PPME1: variants seen among roughly 807,000 people sequenced by gnomAD.
The protein encoded by PPME1 is protein phosphatase methylesterase 1.
A neutral mutation model predicts 56.9 loss-of-function variants in PPME1; 17 were observed. The ratio of observed to expected loss-of-function variants is 0.30; its 90% CI spans 0.20 to 0.45. The LOEUF (loss-of-function observed/expected upper bound fraction) is 0.45. Ranked by LOEUF, PPME1 falls within the 20% of genes least tolerant of loss-of-function variation. The pLI is 1.00. For synonymous variants in PPME1, 122 were observed against 156.2 expected (o/e 0.78, Z 1.63); for missense variants, 357 against 483.2 (o/e 0.74, Z 2.45).
At chr11:74,222,529 C>T (rs940692720) in intron 4 of PPME1, 160 bp downstream of exon 4, 3 of 636,368 alleles carry the variant, frequency 4.7e-6, no homozygotes, top group African/African-American at 3.7e-5. Flanking sequence ...CATTCTGTCG[C>T]CCAGGCTGGG....
At chr11:74,183,114 T>G (rs748998711) in intron 1 of PPME1, among the ~76,000 whole-genome samples, 3 of 151,202 alleles carry the variant, frequency 2.0e-5, no homozygotes, top group Non-Finnish European at 2.9e-5. Context: ...CTGGGCAACA[T>G]AGTGAGACCA....
At position 74,241,011 on chromosome 11, in the gene PPME1, G is replaced by A. The variant is rs540400773; in HGVS notation, c.834+1755G>A. Among the ~76,000 whole-genome samples the A allele has an allele frequency of 9.2e-5, 14 of 152,244 alleles. 1 individual carries two copies. In the South Asian group the frequency reaches 2.7e-3, roughly 29 times the overall value. On this transcript the variant is annotated intron_variant, in intron 9 of 13. Transcript: ENST00000328257. The stretch of plus-strand genomic sequence containing the variant: ...AAAGCTAAAACACACCCAGATCCTC[G>A]ATTTTTAATTCTAACTCATTTTTTC...
At chr11:74,171,551 G>A (rs748165325) in intron 1 of PPME1, 29 bp downstream of exon 1, 21 of 1,585,158 alleles carry the variant, frequency 1.3e-5, no homozygotes, top group African/African-American at 2.7e-5. Context: ...TTCTCCCTAT[G>A]GGCCAGGCCC....
At chr11:74,223,963 C>G (rs1858868730) in intron 4 of PPME1, among the ~76,000 whole-genome samples, 1 of 151,802 alleles carries the variant, frequency 6.6e-6, no homozygotes, top group African/African-American at 2.4e-5. Context: ...TCCCATTTGT[C>G]AATTTTGTCT....
chr11:74,202,341 TG>T, intron 1 of PPME1, among the ~76,000 whole-genome samples: 1 of 152,226 alleles, frequency 6.6e-6, no homozygotes, highest in East Asian at 1.9e-4. Flanking sequence ...GTTCTCCAGG[TG>T]ATTTCATTGT....
At chr11:74,222,994 A>G (rs1858838422) in intron 4 of PPME1, among the ~76,000 whole-genome samples, 1 of 150,494 alleles carries the variant, frequency 6.6e-6, no homozygotes, top group Non-Finnish European at 1.5e-5. Context: ...CACATTGTGC[A>G]GGTTAGTTAC....
intron 13 of PPME1, 64 bp downstream of exon 13, chr11:74,251,779 G>C: frequency 1.3e-6 from 2 of 1,584,932 alleles, no homozygotes. Flanking sequence ...GCAGACACTT[G>C]TAGGACTGTA....
At chr11:74,210,893 T>A (rs1415084988) in intron 3 of PPME1, among the ~76,000 whole-genome samples, 1 of 152,150 alleles carries the variant, frequency 6.6e-6, no homozygotes, top group Non-Finnish European at 1.5e-5. Flanking sequence ...GAGTTTCTAG[T>A]CAAACAATAC....
In PPME1 at chr11:74,186,753, A is replaced by G. The variant is rs115361383; in HGVS notation, c.101+15231A>G. Reference sequence around the variant, plus strand: ...TATTTAGAAGAGAAAACTGAAAACTACTTGTAGAAAGAGAATGAAAGTGCA... The same window carrying G: ...TATTTAGAAGAGAAAACTGAAAACTGCTTGTAGAAAGAGAATGAAAGTGCA... On this transcript the variant is annotated intron_variant, in intron 1 of 13. Coordinates refer to ENST00000328257, the MANE Select transcript of PPME1 (RefSeq NM_016147.3). 8.6e-4 allele frequency among the ~76,000 whole-genome samples: 131 copies of G among 152,344 alleles called. 2 individuals are homozygous for G. The highest frequency in any genetic ancestry group is 2.9e-3 in the African/African-American group (122 of 41,576).
intron 8 of PPME1, chr11:74,238,484 T>C (rs943736175): frequency 2.0e-5 from 3 of 152,328 alleles, no homozygotes; most frequent in Admixed American, 6.5e-5. Context: ...TTGGGATTTT[T>C]TTACCTTCAG....
intron 12 of PPME1, 145 bp downstream of exon 12, chr11:74,251,163 A>G (rs1426306369): frequency 2.0e-5 from 29 of 1,472,868 alleles, no homozygotes; most frequent in South Asian, 5.6e-5. Context: ...CAGCTCTCCA[A>G]CTTCTCCCTG....
intron 7 of PPME1, 22 bp downstream of exon 7, chr11:74,231,024 C>G: frequency 3.3e-6 from 5 of 1,524,272 alleles, no homozygotes; most frequent in Non-Finnish European, 4.5e-6. Flanking sequence ...ATCTTTGTCG[C>G]CTTTATTTAA....
At chr11:74,252,630 T>C (rs1859732186) in intron 13 of PPME1, 2 of 432,854 alleles carry the variant, frequency 4.6e-6, no homozygotes, top group South Asian at 1.6e-5. Context: ...GTCCTGTGCA[T>C]TGTAGGATGC....
chr11:74,228,020 TC>T (rs1402460012), intron 5 of PPME1, among the ~76,000 whole-genome samples: 2 of 152,146 alleles, frequency 1.3e-5, no homozygotes, highest in Non-Finnish European at 2.9e-5. Flanking sequence ...GTCCATAGCA[TC>T]CTTTTATTTT....
chr11:74,200,466 C>T (rs1858131195), intron 1 of PPME1, among the ~76,000 whole-genome samples: 1 of 152,038 alleles, frequency 6.6e-6, no homozygotes, highest in South Asian at 2.1e-4. Flanking sequence ...ACTGCAACCT[C>T]CGCCTTCTGG....
chr11:74,223,528 G>A (rs55687289), intron 4 of PPME1, among the ~76,000 whole-genome samples: 79 of 131,052 alleles, frequency 6.0e-4, no homozygotes, highest in African/African-American at 2.2e-3. Context: ...ACTGACTTCC[G>A]CAATGGTTGA....
Position 74,230,752 on chromosome 11 carries a change from A to C in PPME1, c.554-160A>C. ...TGTGAGGGCATGACATAAAGAAGTG[A>C]ATACCCCAGAGGCAAAAATTATTGA... On this transcript the variant is annotated intron_variant, in intron 6 of 13. Transcript: ENST00000328257. This position sits in a 1 kb window ranked among gnomAD's most constrained non-coding sequence, Gnocchi z 4.9. The C allele has an allele frequency of 1.5e-6, 1 of 647,322 alleles. No individual in the cohort carries two copies. The highest frequency in any genetic ancestry group is 2.7e-6 in the Non-Finnish European group (1 of 374,988). The allele number at this position is 647,322 out of a possible 1,614,324, so 40.1% of individuals were successfully genotyped here. A position where few individuals can be genotyped will look rare whatever the true frequency, so the allele number is the denominator to read the frequency against.
rs369439716 is a variant in PPME1, at chr11:74,204,372, G to A, written c.215G>A (p.Ser72Asn). The change falls in exon 3 of 14, where the codon AGT becomes AAT. Residue 72 changes from serine (S) to asparagine (N), a missense_variant. Around this residue, in one of 2 missense-constraint regions of PPME1, gnomAD observed 175 missense variants for 189.4 expected, o/e 0.92. Coordinates refer to ENST00000328257, the MANE Select transcript of PPME1 (RefSeq NM_016147.3). ...TCATACACTTTTCGAGTCTACAAGAGTGGTTCAGAGGGTCCAGTCCTGCTC... is the reference window on the plus strand; with the variant it reads ...TCATACACTTTTCGAGTCTACAAGAATGGTTCAGAGGGTCCAGTCCTGCTC... ...TGKDTFRVYK[S>N]GSEGPVLLLL... The A allele has an allele frequency of 1.3e-4, 206 of 1,612,988 alleles. 5 individuals carry two copies. In the Middle Eastern group the frequency reaches 1.7e-3, roughly 13 times the overall value.
intron 9 of PPME1, among the ~76,000 whole-genome samples, chr11:74,245,284 C>A (rs2135677087): frequency 6.6e-6 from 1 of 151,424 alleles, no homozygotes; most frequent in African/African-American, 2.4e-5. Flanking sequence ...GTATGGACAT[C>A]TTAAGCATCC....
Sources: gnomAD v4.1 joint callset for allele counts (sites outside exome capture counted in the v4.1 genomes callset) on GRCh38, gnomAD v4.1.1 for gene constraint, gnomAD v4.1.1 regional missense constraint, Gnocchi (gnomAD v3.1) non-coding constraint, MANE v1.5 for transcripts, NCBI Gene and HGNC (gene_info 2026-07-23, HGNC 2026-07-21) for gene names.